Variants in PPP2R5C observed in about 807,000 individuals in gnomAD.
PPP2R5C encodes serine/threonine-protein phosphatase 2A 56 kDa regulatory subunit gamma isoform.
A neutral mutation model predicts 68.9 loss-of-function variants in PPP2R5C; 7 were observed. The observed-to-expected ratio is 0.10, with a 90% CI of 0.06 to 0.19. The LOEUF (loss-of-function observed/expected upper bound fraction) is 0.19. PPP2R5C is among the 10% of genes least tolerant of loss of function. The probability of loss-of-function intolerance (pLI) is 1.00; values close to 1 mark genes in which losing one functional copy is unlikely to be tolerated. For synonymous variants in PPP2R5C, 210 were observed against 222.2 expected, an observed-to-expected ratio of 0.95 and a Z score of 0.49; for missense variants, 348 against 641.3, an observed-to-expected ratio of 0.54 and a Z score of 4.94.
Position 101,863,307 on chromosome 14 carries a change from C to T in PPP2R5C, c.294+6422C>T, listed in dbSNP as rs575405835. ...TGGGCAACAGAGTGAGACTGCTTCT[C>T]AAAAAAAAAAGACATGGAGTCTGGC... On this transcript the variant is annotated intron_variant, in intron 2 of 13. Coordinates refer to ENST00000334743, the Ensembl canonical transcript of PPP2R5C. 1.0e-4 allele frequency among the ~76,000 whole-genome samples: 15 copies of T among 146,486 alleles called. No individual in the cohort carries two copies. The South Asian group carries it at 3.3e-3, about 32-fold the overall frequency.
rs1171723288 is a variant in PPP2R5C at position 101,916,128 on chromosome 14, G to A, written c.1327-1703G>A. On this transcript the variant is annotated intron_variant, in intron 12 of 13. Coordinates refer to ENST00000334743, the Ensembl canonical transcript of PPP2R5C. This position sits in a 1 kb window ranked among gnomAD's most constrained non-coding sequence, Gnocchi z 5.5. ...TTAAAGAGCCATAAAGGGCAAAATGGCCCAGCCCGACTTGCATTTTTGCAA... is the reference window on the plus strand; with the variant it reads ...TTAAAGAGCCATAAAGGGCAAAATGACCCAGCCCGACTTGCATTTTTGCAA... Among the ~76,000 whole-genome samples, 2 of 152,206 alleles carry A rather than the reference G, an allele frequency of 1.3e-5. No homozygotes were observed. The highest frequency in any genetic ancestry group is 4.8e-5 in the African/African-American group (2 of 41,458).
intron 1 of PPP2R5C, among the ~76,000 whole-genome samples, chr14:101,823,453 C>T (rs539081586): frequency 2.0e-4 from 31 of 152,294 alleles, no homozygotes; most frequent in Middle Eastern, 6.8e-3. Context: ...CCAGTTTACT[C>T]GGAGTAATTC....
At chr14:101,774,578 T>C (rs1232662508) in intron 2 of PPP2R5C, among the ~76,000 whole-genome samples, 2 of 152,208 alleles carry the variant, frequency 1.3e-5, no homozygotes, top group East Asian at 3.8e-4. Context: ...AGCCCCACGC[T>C]GCTTTGTGGT....
chr14:101,919,980 A>AACAAAAAAAAAAC (rs1555403924), intron 13 of PPP2R5C, among the ~76,000 whole-genome samples: 6 of 114,144 alleles, frequency 5.3e-5, no homozygotes, highest in Admixed American at 4.3e-4. Flanking sequence ...AAAAAAAAAA[A>AACAAAAAAAAAAC]AAAAAAAAAA....
At chr14:101,907,816 C>T (rs1415853944) in intron 10 of PPP2R5C, among the ~76,000 whole-genome samples, 2 of 152,220 alleles carry the variant, frequency 1.3e-5, no homozygotes, top group Non-Finnish European at 2.9e-5. Context: ...ACCCTCTCTC[C>T]TTGTCCGCTC....
intron 3 of PPP2R5C, among the ~76,000 whole-genome samples, chr14:101,791,031 G>A (rs767709383): frequency 6.6e-6 from 1 of 151,630 alleles, no homozygotes; most frequent in African/African-American, 2.4e-5. Flanking sequence ...AGTGAGCCGA[G>A]ATCACACCAC....
In PPP2R5C at chr14:101,883,394, A is replaced by G. The variant is rs374862041; in HGVS notation, c.499-38A>G. The G allele has an allele frequency of 8.1e-6, 13 of 1,611,598 alleles. No homozygotes were observed. The African/African-American group carries it at 1.1e-4, about 13-fold the overall frequency. On this transcript the variant is annotated intron_variant, in intron 4 of 13. Transcript: ENST00000334743. ...ACACTCTGAAAGCCCTGATGGAATG[A>G]TGACACCCAGCCACTAAGTGTCTTT...
chr14:101,897,622 C>A (rs931500512), intron 8 of PPP2R5C, among the ~76,000 whole-genome samples: 23 of 151,896 alleles, frequency 1.5e-4, no homozygotes, highest in African/African-American at 5.6e-4. Flanking sequence ...TATATTCTGG[C>A]CTCTCTGGCA....
At chr14:101,847,455 T>C (rs2041898070) in intron 1 of PPP2R5C, among the ~76,000 whole-genome samples, 1 of 152,172 alleles carries the variant, frequency 6.6e-6, no homozygotes, top group Admixed American at 6.5e-5. Context: ...TCCTCAGCTG[T>C]GGTTCCTGTT....
chr14:101,765,697 A>C (rs2036819770), intron 2 of PPP2R5C: 1 of 146,796 alleles, frequency 6.8e-6, no homozygotes, highest in Non-Finnish European at 1.5e-5. Flanking sequence ...CCTCCCAAGT[A>C]GCTGGGATTA....
intron 2 of PPP2R5C, among the ~76,000 whole-genome samples, chr14:101,878,417 G>A (rs888259526): frequency 3.9e-5 from 6 of 152,178 alleles, no homozygotes; most frequent in Non-Finnish European, 8.8e-5. Context: ...TTTGAGACGG[G>A]GCCTAGCTGC....
chr14:101,839,350 CA>C (rs35411182), intron 1 of PPP2R5C: 20,119 of 140,484 alleles, frequency 0.14, 1,745 homozygotes, highest in African/African-American at 0.27. Flanking sequence ...ACTCTGTCTC[CA>C]AAAAAAAAAA....
intron 2 of PPP2R5C, among the ~76,000 whole-genome samples, chr14:101,867,784 T>A (rs1253935213): frequency 6.6e-6 from 1 of 151,020 alleles, no homozygotes; most frequent in Non-Finnish European, 1.5e-5. Context: ...TCAAAAAAAT[T>A]AATTAATTAA....
At chr14:101,761,861 G>GGGCGGC (rs373744052), upstream of PPP2R5C, 178 of 1,100,474 alleles carry the variant, frequency 1.6e-4, no homozygotes, top group African/African-American at 2.1e-3. Flanking sequence ...GCGGCGGCAG[G>GGGCGGC]GGCGGCGGCG....
rs1741143 is a variant in PPP2R5C, at chr14:101,925,785, G to A, written c.*513G>A. 17,507 of 152,556 alleles carry A rather than the reference G, an allele frequency of 0.11. 1,339 individuals carry two copies. The highest frequency in any genetic ancestry group is 0.21 in the African/African-American group (8,506 of 41,408). 9.5% of individuals were successfully genotyped at this position (152,556 alleles called of 1,614,324 possible). On this transcript the variant is annotated 3_prime_UTR_variant, in exon 14 of 14. Coordinates refer to ENST00000334743, the Ensembl canonical transcript of PPP2R5C. Reference sequence around the variant, plus strand: ...CTCAGTGAAATGGCTCTTTGCTTTCGAGTTCTCACGCAACGTACTGGGCAA... The same window carrying A: ...CTCAGTGAAATGGCTCTTTGCTTTCAAGTTCTCACGCAACGTACTGGGCAA...
chr14:101,912,584 T>C (rs868499216), intron 12 of PPP2R5C, 111 bp downstream of exon 14: 27 of 1,378,138 alleles, frequency 2.0e-5, no homozygotes, highest in Middle Eastern at 5.5e-4. Context: ...TAACGTTGTA[T>C]ATGAAAATGT....
rs1217874250 is a variant in PPP2R5C at position 101,915,282 on chromosome 14, A to C, written c.1327-2549A>C. 1.3e-5 allele frequency among the ~76,000 whole-genome samples: 2 copies of C among 151,910 alleles called. No homozygotes were observed. Among genetic ancestry groups the C allele is most frequent in the East Asian group, 1.9e-4 (1 of 5,170 alleles). ...TTTTTAGTAGAGACGGGGTTTCACT[A>C]TGTTGGCCAGGCTGGTCTCGAACTC... On this transcript the variant is annotated intron_variant, in intron 12 of 13. Transcript: ENST00000334743. The surrounding 1 kb of genome is among the most constrained non-coding windows in gnomAD (Gnocchi z 4.2).
chr14:101,763,518 G>A (rs2036673801), intron 2 of PPP2R5C, among the ~76,000 whole-genome samples: 1 of 152,070 alleles, frequency 6.6e-6, no homozygotes, highest in African/African-American at 2.4e-5. Context: ...GAGTAGCTGG[G>A]ATTACAGGCA....
In PPP2R5C at chr14:101,909,701, C is replaced by T. The variant is rs1463664534; in HGVS notation, c.1253+11C>T. ...AGCAGAGAAACTAAAGTGAGTTGTT[C>T]CTTTCACAAGTTACTGTTTCCAGGA... is the stretch of plus-strand genomic sequence containing the variant. On this transcript the variant is annotated intron_variant, in intron 11 of 13. Coordinates refer to ENST00000334743, the Ensembl canonical transcript of PPP2R5C. 6.4e-7 allele frequency: 1 copy of T among 1,553,356 alleles called. No homozygotes were observed. The highest frequency in any genetic ancestry group is 8.9e-7 in the Non-Finnish European group (1 of 1,128,394).
Sources: allele counts gnomAD v4.1 joint callset (sites outside exome capture counted in the v4.1 genomes callset), GRCh38; gene constraint gnomAD v4.1.1; non-coding constraint Gnocchi (gnomAD v3.1); transcripts MANE v1.5; gene names NCBI Gene and HGNC (gene_info 2026-07-23, HGNC 2026-07-21).